Variants in CNTD1 observed in about 807,000 individuals in gnomAD.
CNTD1 encodes cyclin N-terminal domain-containing protein 1.
CNTD1 carries 17 observed loss-of-function variants against 36.3 expected under a neutral mutation model. The observed-to-expected ratio is 0.47, with a 90% confidence interval of 0.32 to 0.70. The LOEUF is 0.70. Among genes scored for constraint, CNTD1 ranks in the 30% least tolerant of loss-of-function variants. The pLI, the probability that CNTD1 is intolerant of heterozygous loss-of-function variation, is 0.03. For missense variants in CNTD1, 338 were observed against 386.1 expected, an observed-to-expected ratio of 0.88 and a Z score of 1.04; for synonymous variants, 128 against 153.3, an observed-to-expected ratio of 0.83 and a Z score of 1.22.
chr17:42,801,558 GT>G (rs2054796869), intron 1 of CNTD1, among the ~76,000 whole-genome samples: 3 of 134,610 alleles, frequency 2.2e-5, no homozygotes, highest in African/African-American at 8.0e-5. Context: ...ATATATGTGT[GT>G]GTGTGTGTGT....
At chr17:42,808,773 C>A (rs1182371187) in intron 6 of CNTD1, among the ~76,000 whole-genome samples, 1 of 151,062 alleles carries the variant, frequency 6.6e-6, no homozygotes, top group Admixed American at 6.6e-5. Flanking sequence ...AAAGGCCAGG[C>A]AGGGTTGCTC....
rs61757409 is a variant in CNTD1 at position 42,798,901 on chromosome 17, G to T, written c.-167G>T. 1 of 1,444,190 alleles carries T rather than the reference G, an allele frequency of 6.9e-7. No individual in the cohort carries two copies. Among genetic ancestry groups the T allele is most frequent in the Non-Finnish European group, 9.1e-7 (1 of 1,103,694 alleles). 89.5% of individuals were successfully genotyped at this position (1,444,190 alleles called of 1,614,324 possible). A position where few individuals can be genotyped will look rare whatever the true frequency, so the allele number is the denominator to read the frequency against. On this transcript the variant is annotated 5_prime_UTR_variant, in exon 1 of 7. Coordinates refer to ENST00000588408, the MANE Select transcript of CNTD1 (RefSeq NM_173478.3). ...GTTGGGGCGGGAAAAAGCTGTGGAG[G>T]GTTCGAGGCTGTGGTGGTAATTGGG...
At chr17:42,805,246 C>T (rs189866933) in intron 3 of CNTD1, among the ~76,000 whole-genome samples, 4 of 152,262 alleles carry the variant, frequency 2.6e-5, no homozygotes, top group Admixed American at 2.6e-4. Flanking sequence ...CACCAGGTGC[C>T]ATGGCTACAA....
chr17:42,806,878 A>G, intron 5 of CNTD1, 60 bp downstream of exon 5: 1 of 1,538,600 alleles, frequency 6.5e-7, no homozygotes, highest in Non-Finnish European at 8.9e-7. Context: ...GACAGACCAC[A>G]AGAACTTGGG....
intron 1 of CNTD1, 131 bp downstream of exon 1, chr17:42,799,367 G>A: frequency 9.5e-7 from 1 of 1,050,802 alleles, no homozygotes; most frequent in Non-Finnish European, 1.3e-6. Flanking sequence ...TGGGGTGCTG[G>A]GGATATAGTG....
intron 1 of CNTD1, among the ~76,000 whole-genome samples, chr17:42,799,732 A>G (rs1308434281): frequency 7.1e-6 from 1 of 141,592 alleles, no homozygotes; most frequent in African/African-American, 2.7e-5. Flanking sequence ...AGCCTAGACG[A>G]CAAGAATGAA....
rs915221283 is a variant in CNTD1 at position 42,804,532 on chromosome 17, G to T, written c.417+136G>T. ...ATTACAAAGTAAAAACAACGGCCGG[G>T]CGCGGTGGCTCATGCCTGTAATCCC... On this transcript the variant is annotated intron_variant, in intron 3 of 6. Coordinates refer to ENST00000588408, the MANE Select transcript of CNTD1 (RefSeq NM_173478.3). 2.5e-5 allele frequency: 19 copies of T among 770,334 alleles called. No individual in the cohort carries two copies. The African/African-American group carries it at 3.0e-4, about 12-fold the overall frequency. 47.7% of individuals were successfully genotyped at this position (770,334 alleles called of 1,614,324 possible).
In CNTD1 at chr17:42,811,056, G is replaced by T; in HGVS notation, c.*1521G>T. 1 of 1,036,940 alleles carries T rather than the reference G, an allele frequency of 9.6e-7. No individual in the cohort carries two copies. The highest frequency in any genetic ancestry group is 1.3e-6 in the Non-Finnish European group (1 of 752,920). The allele number at this position is 1,036,940 out of a possible 1,614,324, so 64.2% of individuals were successfully genotyped here. ...AAAGAACACTTGGTGAGGAATGATA[G>T]TGTATTTTGGATTTGCTTGAAAGCC... On this transcript the variant is annotated 3_prime_UTR_variant, in exon 7 of 7. Transcript: ENST00000588408.
In CNTD1 at chr17:42,810,729, T is replaced by C; in HGVS notation, c.*1194T>C. On this transcript the variant is annotated 3_prime_UTR_variant, in exon 7 of 7. Coordinates refer to ENST00000588408, the MANE Select transcript of CNTD1 (RefSeq NM_173478.3). ...TGCAAACAAAACAAAATTAAAAGCC[T>C]TTAAGGCAAACCTCCCCCTAAGGAA... The C allele has an allele frequency of 6.4e-7, 1 of 1,572,878 alleles. No individual in the cohort carries two copies. Among genetic ancestry groups the C allele is most frequent in the South Asian group, 1.2e-5 (1 of 83,640 alleles).
At position 42,807,216 on chromosome 17, in the gene CNTD1, C is replaced by T. The variant is rs963609845; in HGVS notation, c.725+398C>T. Among the ~76,000 whole-genome samples, 93 of 152,026 alleles carry T rather than the reference C, an allele frequency of 6.1e-4. 1 individual carries two copies. The Middle Eastern group carries it at 0.01, about 17-fold the overall frequency. Reference sequence around the variant, plus strand: ...AGATCACGAGGTCAGGAGATCGAGACCATCCTGGCTAACAGCGTGAAACCA... The same window carrying T: ...AGATCACGAGGTCAGGAGATCGAGATCATCCTGGCTAACAGCGTGAAACCA... On this transcript the variant is annotated intron_variant, in intron 5 of 6. Coordinates refer to ENST00000588408, the MANE Select transcript of CNTD1 (RefSeq NM_173478.3).
chr17:42,799,450 GC>G (rs1176197867), intron 1 of CNTD1, among the ~76,000 whole-genome samples: 1 of 152,092 alleles, frequency 6.6e-6, no homozygotes, highest in Non-Finnish European at 1.5e-5. Flanking sequence ...GCACCGCTTG[GC>G]TAGAAAGATG....
rs375451969 is a variant in CNTD1, at chr17:42,810,870, T to C, written c.*1335T>C. ...TCCTCAGAGTTAAACTGGGTTTTGATGGAATAGGAGCCGCCACTGCCTCCT... is the reference window on the plus strand; with the variant it reads ...TCCTCAGAGTTAAACTGGGTTTTGACGGAATAGGAGCCGCCACTGCCTCCT... On this transcript the variant is annotated 3_prime_UTR_variant, in exon 7 of 7. Coordinates refer to ENST00000588408, the MANE Select transcript of CNTD1 (RefSeq NM_173478.3). 96 of 1,613,546 alleles carry C rather than the reference T, an allele frequency of 5.9e-5. No homozygotes were observed. The East Asian group carries it at 2.0e-3, about 34-fold the overall frequency.
chr17:42,808,392 T>G (rs891765389), intron 6 of CNTD1, among the ~76,000 whole-genome samples: 2 of 151,100 alleles, frequency 1.3e-5, no homozygotes, highest in Non-Finnish European at 3.0e-5. Flanking sequence ...CTACCAAAAA[T>G]TTTAAAAAAT....
intron 1 of CNTD1, among the ~76,000 whole-genome samples, chr17:42,799,752 CAAAAAAAAAAA>C (rs780393099): frequency 3.8e-3 from 40 of 10,590 alleles, no homozygotes; most frequent in African/African-American, 4.9e-3. Context: ...AACTCCGTCT[CAAAAAAAAAAA>C]AAAAAAAAAA....
At chr17:42,799,336 A>G in intron 1 of CNTD1, 100 bp downstream of exon 1, 2 of 1,318,402 alleles carry the variant, frequency 1.5e-6, no homozygotes, top group East Asian at 5.0e-5. Flanking sequence ...CATTCAGAGA[A>G]TGTTTGCTAA....
intron 2 of CNTD1, 59 bp downstream of exon 2, chr17:42,803,754 C>T (rs2054832641): frequency 5.3e-6 from 7 of 1,325,228 alleles, no homozygotes; most frequent in Admixed American, 1.9e-5. Flanking sequence ...AATGTACCTA[C>T]ATCTTTAAGA....
chr17:42,804,359 G>A lies in CNTD1; in HGVS notation c.380G>A (p.Cys127Tyr). Residue 127 changes from cysteine (C) to tyrosine (Y), a missense_variant, in exon 3 of 7, where the codon TGT becomes TAT. Transcript: ENST00000588408. Reference protein sequence around the residue: ...VNKFTLRLVSCVQLASKLSFR... With the variant: ...VNKFTLRLVSYVQLASKLSFR... The stretch of plus-strand genomic sequence containing the variant: ...AAGTTTACTCTCCGTCTTGTGTCAT[G>A]TGTTCAGCTGGCCAGCAAACTTTCC... The A allele has an allele frequency of 6.2e-7, 1 of 1,614,128 alleles. No homozygotes were observed. The highest frequency in any genetic ancestry group is 8.5e-7 in the Non-Finnish European group (1 of 1,180,012).
At position 42,803,640 on chromosome 17, in the gene CNTD1, G is replaced by C. The variant is rs750439714; in HGVS notation, c.190G>C (p.Glu64Gln). The change falls in exon 2 of 7, where the codon GAA becomes CAA. Residue 64 changes from glutamate to glutamine, a missense_variant. Physicochemically the swap from Glu to Gln is conservative, Grantham distance 29. Transcript: ENST00000588408. ...QIVEFVFLLS[E>Q]QWCLEKSVSY... The stretch of plus-strand genomic sequence containing the variant: ...GGCAGAGTTTGTTTTTCTCCTGTCT[G>C]AACAATGGTGTCTGGAGAAATCTGT... 8 of 1,613,940 alleles carry C rather than the reference G, an allele frequency of 5.0e-6. No homozygotes were observed. Among genetic ancestry groups the C allele is most frequent in the Non-Finnish European group, 6.8e-6 (8 of 1,179,922 alleles).
At chr17:42,803,080 G>A (rs1438495230) in intron 1 of CNTD1, among the ~76,000 whole-genome samples, 3 of 152,172 alleles carry the variant, frequency 2.0e-5, no homozygotes, top group African/African-American at 7.2e-5. Context: ...AACTGGTGGT[G>A]GAGAGATGGT....
Sources: allele counts gnomAD v4.1 joint callset (sites outside exome capture counted in the v4.1 genomes callset), GRCh38; gene constraint gnomAD v4.1.1; transcripts MANE v1.5; gene names NCBI Gene and HGNC (gene_info 2026-07-23, HGNC 2026-07-21).